Variants in MBTPS1 observed in about 807,000 individuals in gnomAD.
MBTPS1 encodes membrane-bound transcription factor site-1 protease.
MBTPS1 carries 94 observed loss-of-function variants against 127.8 expected under a neutral mutation model. The observed-to-expected ratio is 0.74, with a 90% confidence interval of 0.62 to 0.87. MBTPS1 has a LOEUF of 0.87. Ranked by LOEUF, MBTPS1 falls within the 40% of genes least tolerant of loss-of-function variation. MBTPS1 has a pLI of 0.00. For missense variants in MBTPS1, 1,636 were observed against 1,353.2 expected, an observed-to-expected ratio of 1.21 and a Z score of -3.28; for synonymous variants, 632 against 509.4, an observed-to-expected ratio of 1.24 and a Z score of -3.24.
chr16:84,070,743 C>A lies in MBTPS1; in HGVS notation c.1627G>T (p.Asp543Tyr). 6.2e-7 allele frequency: 1 copy of A among 1,613,680 alleles called. No individual in the cohort carries two copies. The highest frequency in any genetic ancestry group is 8.5e-7 in the Non-Finnish European group (1 of 1,179,824). ...DWQPYLPQNG[D>Y]NIEVAFSYSS... ...TAGGAGAAGGCAACTTCAATGTTGT[C>A]TCCGTTCTGTGGCAAATAGGGCTGC... Residue 543 changes from aspartate (D) to tyrosine (Y), a missense_variant, in exon 13 of 23, where the codon GAC (aspartate) becomes TAC (tyrosine). Transcript: ENST00000343411.
chr16:84,087,567 AACACTGTAT>A, intron 8 of MBTPS1, 107 bp from the exon 9 acceptor site: 1 of 711,054 alleles, frequency 1.4e-6, no homozygotes, highest in South Asian at 1.8e-5. Flanking sequence ...AGAACAATCT[AACACTGTAT>A]GAGCTGCTTC....
At position 84,101,812 on chromosome 16, in the gene MBTPS1, G is replaced by C; in HGVS notation, c.-29C>G. 1 of 1,587,532 alleles carries C rather than the reference G, an allele frequency of 6.3e-7. No homozygotes were observed. Among genetic ancestry groups the C allele is most frequent in the Non-Finnish European group, 8.6e-7 (1 of 1,164,556 alleles). ...CACAAGCGAATATGATCATAAAATT[G>C]CATATATTCAAATCACACTTTTTTC... is the stretch of plus-strand genomic sequence containing the variant. On this transcript the variant is annotated 5_prime_UTR_variant, in exon 2 of 23. Transcript: ENST00000343411.
At chr16:84,112,768 A>G (rs2086417248) in intron 1 of MBTPS1, among the ~76,000 whole-genome samples, 2 of 151,910 alleles carry the variant, frequency 1.3e-5, no homozygotes, top group Non-Finnish European at 2.9e-5. Flanking sequence ...CGAGGTCAGG[A>G]GTTCAAGACC....
At chr16:84,080,165 T>G (rs1201286867) in intron 11 of MBTPS1, among the ~76,000 whole-genome samples, 1 of 152,162 alleles carries the variant, frequency 6.6e-6, no homozygotes, top group African/African-American at 2.4e-5. Flanking sequence ...TAAATGATAT[T>G]AATTATAATC....
At position 84,098,866 on chromosome 16, in the gene MBTPS1, C is replaced by A. The variant is rs1427569334; in HGVS notation, c.421+187G>T. ...GTCTCTTTTTAAAAAATAATTCTGC[C>A]CCCCCAACACCGACCCTGCGCACTA... On this transcript the variant is annotated intron_variant, in intron 3 of 22. Transcript: ENST00000343411. Among the ~76,000 whole-genome samples, 3 of 151,986 alleles carry A rather than the reference C, an allele frequency of 2.0e-5. No individual in the cohort carries two copies. The East Asian group carries it at 5.8e-4, about 29-fold the overall frequency.
At chr16:84,115,039 CT>C (rs1366210144) in intron 1 of MBTPS1, among the ~76,000 whole-genome samples, 3 of 151,892 alleles carry the variant, frequency 2.0e-5, no homozygotes, top group African/African-American at 7.2e-5. Flanking sequence ...AGGGATTCTC[CT>C]GCCTCAGCCT....
At chr16:84,088,043 G>C (rs1288353997) in intron 8 of MBTPS1, among the ~76,000 whole-genome samples, 1 of 152,074 alleles carries the variant, frequency 6.6e-6, no homozygotes, top group Middle Eastern at 3.2e-3. Flanking sequence ...GCTCCTTAGA[G>C]TCTCTCCAAT....
rs139126669 is a variant in MBTPS1, at chr16:84,098,028, A to T, written c.421+1025T>A. ...AAATTTGTTAACCTGATTTAAGATA[A>T]ACAGGGAAAAAAAACCCTTTTCCTT... is the stretch of plus-strand genomic sequence containing the variant. On this transcript the variant is annotated intron_variant, in intron 3 of 22. Transcript: ENST00000343411. 1.3e-3 allele frequency among the ~76,000 whole-genome samples: 192 copies of T among 152,274 alleles called. 1 individual carries two copies. The highest frequency in any genetic ancestry group is 4.5e-3 in the African/African-American group (185 of 41,522).
chr16:84,082,263 C>T, intron 10 of MBTPS1: 1 of 157,316 alleles, frequency 6.4e-6, no homozygotes, highest in Non-Finnish European at 1.4e-5. Flanking sequence ...GAAGAAGATG[C>T]CATGGGACAC....
At chr16:84,107,259 G>C (rs1169428798) in intron 1 of MBTPS1, among the ~76,000 whole-genome samples, 1 of 152,212 alleles carries the variant, frequency 6.6e-6, no homozygotes, top group Non-Finnish European at 1.5e-5. Context: ...ACACTAGTGA[G>C]CGGGTGAGCC....
At chr16:84,074,961 G>A in intron 11 of MBTPS1, 2 of 369,012 alleles carry the variant, frequency 5.4e-6, no homozygotes, top group Non-Finnish European at 9.8e-6. Flanking sequence ...TGATGTGCAG[G>A]GACACCTCTG....
chr16:84,099,020 A>AGT, intron 3 of MBTPS1, 33 bp downstream of exon 3: 1 of 1,471,664 alleles, frequency 6.8e-7, no homozygotes, highest in Non-Finnish European at 9.0e-7. Context: ...AGTAAACAGC[A>AGT]GAGAGAAATT....
At chr16:84,062,119 T>G (rs2085622311) in intron 19 of MBTPS1, among the ~76,000 whole-genome samples, 2 of 152,050 alleles carry the variant, frequency 1.3e-5, no homozygotes, top group Admixed American at 1.3e-4. Context: ...AATTTTAATT[T>G]TATTTTATTA....
chr16:84,087,261 C>T (rs896713329), intron 9 of MBTPS1, 97 bp downstream of exon 9: 2 of 873,738 alleles, frequency 2.3e-6, no homozygotes, highest in African/African-American at 3.3e-5. Flanking sequence ...GGTGTCTGTG[C>T]ACTTACAAAT....
chr16:84,067,854 G>A, intron 15 of MBTPS1, 31 bp from the exon 16 acceptor site: 2 of 1,591,410 alleles, frequency 1.3e-6, no homozygotes, highest in African/African-American at 1.3e-5. Context: ...GCTGGGAACT[G>A]TCACTTCTGA....
intron 11 of MBTPS1, among the ~76,000 whole-genome samples, chr16:84,080,050 A>G (rs1179063389): frequency 6.6e-6 from 1 of 152,202 alleles, no homozygotes; most frequent in Non-Finnish European, 1.5e-5. Flanking sequence ...TGCTGCCAGG[A>G]AGACAGAAAG....
intron 8 of MBTPS1, 43 bp from the exon 9 acceptor site, chr16:84,087,503 A>G: frequency 1.6e-6 from 2 of 1,276,330 alleles, no homozygotes; most frequent in Non-Finnish European, 2.2e-6. Flanking sequence ...AGAAAAAGAA[A>G]AAAACAAGAG....
intron 12 of MBTPS1, among the ~76,000 whole-genome samples, chr16:84,073,686 A>AC (rs1267109288): frequency 6.6e-6 from 1 of 152,036 alleles, no homozygotes; most frequent in Non-Finnish European, 1.5e-5. Context: ...TAAAAAAAAA[A>AC]GACCGTATCT....
intron 15 of MBTPS1, 125 bp from the exon 16 acceptor site, chr16:84,067,948 C>T (rs1437285920): frequency 2.4e-6 from 2 of 820,182 alleles, no homozygotes; most frequent in African/African-American, 1.7e-5. Flanking sequence ...GTTTGTGCCA[C>T]CCTGTACCAC....
Sources: gnomAD v4.1 joint callset for allele counts (sites outside exome capture counted in the v4.1 genomes callset) on GRCh38, gnomAD v4.1.1 for gene constraint, MANE v1.5 for transcripts, NCBI Gene and HGNC (gene_info 2026-07-23, HGNC 2026-07-21) for gene names.